Variants in FAT1 observed in about 807,000 individuals in gnomAD.
FAT1 encodes the protein protocadherin Fat 1.
In FAT1, 171 loss-of-function variants were observed where a neutral mutation model predicts 329.8. The ratio of observed to expected loss-of-function variants is 0.52; its 90% CI spans 0.46 to 0.59. FAT1 has a LOEUF of 0.59. FAT1 is among the 20% of genes least tolerant of loss of function. FAT1 has a pLI of 0.00. For missense variants in FAT1, 5,672 were observed against 5,774.4 expected (o/e 0.98, Z 0.57); for synonymous variants, 2,233 against 2,228.6 (o/e 1.00, Z -0.06).
intron 2 of FAT1, among the ~76,000 whole-genome samples, chr4:186,702,343 T>C (rs1744370706): frequency 6.6e-6 from 1 of 151,684 alleles, no homozygotes; most frequent in Non-Finnish European, 1.5e-5. Flanking sequence ...ACAGCAGTAA[T>C]ATGTTTAGAG....
At position 186,619,985 on chromosome 4, in the gene FAT1, C is replaced by G. The variant is rs2126511226; in HGVS notation, c.6601G>C (p.Val2201Leu). The part of the protein sequence containing the change: ...IAESIQVHSP[V>L]VHVQANSPEG... ...GGGCTGTTAGCCTGCACGTGGACCA[C>G]AGGGCTGTGCACCTGGATGCTCTCT... The change falls in exon 10 of 27, where the codon GTG becomes CTG. Residue 2201 changes from valine to leucine, a missense_variant. Coordinates refer to ENST00000441802, the MANE Select transcript of FAT1 (RefSeq NM_005245.4). The G allele has an allele frequency of 6.2e-7, 1 of 1,613,998 alleles. No homozygotes were observed. Among genetic ancestry groups the G allele is most frequent in the South Asian group, 1.1e-5 (1 of 91,086 alleles).
At chr4:186,686,921 A>G (rs1743496240) in intron 2 of FAT1, among the ~76,000 whole-genome samples, 1 of 152,208 alleles carries the variant, frequency 6.6e-6, no homozygotes, top group East Asian at 1.9e-4. Flanking sequence ...TTAATTTGAC[A>G]AGCCTGATAG....
chr4:186,661,594 C>T (rs769881134), intron 3 of FAT1, among the ~76,000 whole-genome samples: 5 of 152,194 alleles, frequency 3.3e-5, no homozygotes, highest in Non-Finnish European at 5.9e-5. Context: ...AATGCCTGTG[C>T]GTGGGACCCT....
rs769413470 is a variant in FAT1, at chr4:186,708,186, G to T, written c.1642C>A (p.Arg548Ser). ...IRASDWGLPY[R>S]REVEVLATIT... ...GTAGCAAGGACTTCGACTTCCCGGC[G>T]GTACGGCAAGCCCCAGTCTGATGCA... Residue 548 changes from arginine (R) to serine (S), a missense_variant, in exon 2 of 27, where the codon CGC (arginine) becomes AGC (serine). Physicochemically the swap from Arg to Ser is moderately radical, Grantham distance 110. Coordinates refer to ENST00000441802, the MANE Select transcript of FAT1 (RefSeq NM_005245.4). The T allele has an allele frequency of 6.2e-7, 1 of 1,613,982 alleles. No individual in the cohort carries two copies. The highest frequency in any genetic ancestry group is 8.5e-7 in the Non-Finnish European group (1 of 1,179,888).
chr4:186,684,726 A>G (rs74463995), intron 2 of FAT1, among the ~76,000 whole-genome samples: 3,553 of 152,228 alleles, frequency 0.023, 171 homozygotes, highest in East Asian at 0.16. Context: ...CAGCACAGTG[A>G]AACACTTTCA....
Position 186,650,036 on chromosome 4 carries a change from T to C in FAT1, c.3581-10253A>G, listed in dbSNP as rs1405475190. ...TGTTAGTGTCTTCACTTGAAATGTT[T>C]TATGGCTTGGTAGGCTTATCACTCT... On this transcript the variant is annotated intron_variant, in intron 3 of 26. Coordinates refer to ENST00000441802, the MANE Select transcript of FAT1 (RefSeq NM_005245.4). Among the ~76,000 whole-genome samples the C allele has an allele frequency of 2.6e-5, 4 of 152,212 alleles. No individual in the cohort carries two copies. The East Asian group carries it at 7.7e-4, about 29-fold the overall frequency.
At position 186,628,496 on chromosome 4, in the gene FAT1, T is replaced by A; in HGVS notation, c.4591A>T (p.Thr1531Ser). 2 of 1,613,836 alleles carry A rather than the reference T, an allele frequency of 1.2e-6. No homozygotes were observed. The highest frequency in any genetic ancestry group is 1.7e-6 in the Non-Finnish European group (2 of 1,179,850). ...GCGGGTAGAGCGCCTACCATGACCG[T>A]GAGGGTGTGCTGGTGAACAGCTTCA... ...DHEAVHQHTLTVMVRDQDVPV... is the reference protein window; with the variant it reads ...DHEAVHQHTLSVMVRDQDVPV... The change falls in exon 8 of 27, where the codon ACG becomes TCG. Residue 1531 changes from threonine to serine, a missense_variant. Coordinates refer to ENST00000441802, the MANE Select transcript of FAT1 (RefSeq NM_005245.4).
intron 26 of FAT1, among the ~76,000 whole-genome samples, chr4:186,594,104 C>T (rs1468335697): frequency 2.0e-5 from 3 of 151,868 alleles, no homozygotes; most frequent in African/African-American, 7.2e-5. Flanking sequence ...CTCGCTCTGT[C>T]GCCCAGGCTG....
chr4:186,715,595 G>A (rs1180171171), intron 1 of FAT1, among the ~76,000 whole-genome samples: 1 of 152,122 alleles, frequency 6.6e-6, no homozygotes, highest in East Asian at 1.9e-4. Context: ...AAGCTGAAGC[G>A]GGGAGAGACT....
chr4:186,610,121 A>C (rs1182775880), intron 14 of FAT1, 106 bp from the exon 15 acceptor site: 2 of 654,778 alleles, frequency 3.1e-6, no homozygotes, highest in East Asian at 5.6e-5. Context: ...TTTCACTTCA[A>C]AAGTTTACTT....
intron 2 of FAT1, among the ~76,000 whole-genome samples, chr4:186,679,811 G>A (rs1743130333): frequency 6.6e-6 from 1 of 152,198 alleles, no homozygotes; most frequent in African/African-American, 2.4e-5. Context: ...TATGAAAGAG[G>A]TGGTGAAGCA....
At chr4:186,648,289 T>C (rs1303133464) in intron 3 of FAT1, among the ~76,000 whole-genome samples, 1 of 152,156 alleles carries the variant, frequency 6.6e-6, no homozygotes, top group African/African-American at 2.4e-5. Context: ...AATTTAAATA[T>C]TAAAACATTT....
intron 1 of FAT1, among the ~76,000 whole-genome samples, chr4:186,722,529 TAAGACAAA>T (rs1745509762): frequency 6.6e-6 from 1 of 152,224 alleles, no homozygotes. Context: ...GCTGTCTTCC[TAAGACAAA>T]AAGACAAAGA....
chr4:186,690,922 T>C (rs559812407), intron 2 of FAT1, among the ~76,000 whole-genome samples: 5 of 152,346 alleles, frequency 3.3e-5, no homozygotes, highest in Admixed American at 6.5e-5. Flanking sequence ...CTTTTTGATA[T>C]GTTGGACTAA....
intron 2 of FAT1, among the ~76,000 whole-genome samples, chr4:186,673,054 C>T (rs760452778): frequency 6.6e-6 from 1 of 152,058 alleles, no homozygotes; most frequent in Non-Finnish European, 1.5e-5. Context: ...GTCAGTGATA[C>T]AGAAATTGAG....
chr4:186,691,387 G>A (rs547493671), intron 2 of FAT1, among the ~76,000 whole-genome samples: 4 of 152,188 alleles, frequency 2.6e-5, no homozygotes, highest in Non-Finnish European at 5.9e-5. Flanking sequence ...TACTGTTTAT[G>A]AGAATATCAC....
intron 2 of FAT1, among the ~76,000 whole-genome samples, chr4:186,705,783 C>T (rs1198423236): frequency 2.0e-5 from 3 of 152,188 alleles, no homozygotes; most frequent in African/African-American, 2.4e-5. Flanking sequence ...TTGGAGGTCC[C>T]GGTTTCAGAA....
rs550165823 is a variant in FAT1, at chr4:186,601,252, G to A, written c.11640+17C>T. ...TGAAAGTCTTCCACTAAGATGCAAC[G>A]CTGTGGAGAAACATACCTCCAAGAT... On this transcript the variant is annotated intron_variant, in intron 21 of 26. Transcript: ENST00000441802. 10 of 1,551,408 alleles carry A rather than the reference G, an allele frequency of 6.4e-6. No individual in the cohort carries two copies. Among genetic ancestry groups the A allele is most frequent in the South Asian group, 2.4e-5 (2 of 83,620 alleles).
rs766973774 is a variant in FAT1, at chr4:186,613,138, G to T, written c.9434C>A (p.Thr3145Lys). Residue 3145 changes from threonine to lysine, a missense_variant, in exon 13 of 27, where the codon ACA becomes AAA. Thr to Lys is a moderately conservative substitution (Grantham distance 78). Transcript: ENST00000441802. ...GTCGGCATCTGTGGCCTGCACTCTT[G>T]TCAGCAGCGTTCCCGGCTCTGTGTT... ...FENTEPGTLLTRVQATDADAG... is the reference protein window; with the variant it reads ...FENTEPGTLLKRVQATDADAG... 2 of 1,612,662 alleles carry T rather than the reference G, an allele frequency of 1.2e-6. No homozygotes were observed. The highest frequency in any genetic ancestry group is 1.7e-5 in the Admixed American group (1 of 60,018).
Sources: gnomAD v4.1 joint callset for allele counts (sites outside exome capture counted in the v4.1 genomes callset) on GRCh38, gnomAD v4.1.1 for gene constraint, MANE v1.5 for transcripts, NCBI Gene and HGNC (gene_info 2026-07-23, HGNC 2026-07-21) for gene names.